The following PTAR1 variants were observed in gnomAD, a reference collection of about 807,000 sequenced individuals.
The protein encoded by PTAR1 is protein prenyltransferase alpha subunit repeat containing 1.
Under a neutral mutation model 45.5 loss-of-function variants are expected in PTAR1, and 17 were observed. That is an observed-to-expected ratio of 0.37 (90% CI 0.26 to 0.56). The LOEUF is 0.56. PTAR1 is among the 20% of genes least tolerant of loss of function. The probability of loss-of-function intolerance (pLI) is 0.77; values close to 1 mark genes in which losing one functional copy is unlikely to be tolerated. For missense variants in PTAR1, 391 were observed against 476.3 expected (o/e 0.82, Z 1.67); for synonymous variants, 169 against 171.3 (o/e 0.99, Z 0.11).
At chr9:69,742,742 A>T (rs944285983) in intron 2 of PTAR1, among the ~76,000 whole-genome samples, 3 of 152,110 alleles carry the variant, frequency 2.0e-5, no homozygotes, top group African/African-American at 7.2e-5. Flanking sequence ...ATATATTTTT[A>T]AAAATGAATG....
rs1680515066 is a variant in PTAR1 at position 69,716,169 on chromosome 9, T to C, written c.*2173A>G. 6.6e-6 allele frequency: 1 copy of C among 152,084 alleles called. No individual in the cohort carries two copies. The highest frequency in any genetic ancestry group is 6.6e-5 in the Admixed American group (1 of 15,240). The allele number at this position is 152,084 out of a possible 1,614,324, so 9.4% of individuals were successfully genotyped here. ...GAAAAATGATTTTTAGGAAAAAAGGTAATACTGAGTTAGGCCAGAATCTGG... is the reference window on the plus strand; with the variant it reads ...GAAAAATGATTTTTAGGAAAAAAGGCAATACTGAGTTAGGCCAGAATCTGG... On this transcript the variant is annotated 3_prime_UTR_variant, in exon 8 of 8. Coordinates refer to ENST00000340434, the MANE Select transcript of PTAR1 (RefSeq NM_001099666.2).
chr9:69,752,475 A>G (rs929853874), intron 1 of PTAR1, among the ~76,000 whole-genome samples: 2 of 152,102 alleles, frequency 1.3e-5, no homozygotes, highest in Admixed American at 6.6e-5. Context: ...CTTTCAAGCT[A>G]ATTTAACTCT....
In PTAR1 at chr9:69,732,249, G is replaced by T; in HGVS notation, c.532C>A (p.Gln178Lys). ...IPTERAQRLI[Q>K]EEMEVCGEAA... ...TCACCACAGACCTCCATCTCTTCTTGTATGAGTCGCTGTGCCCTTTCTGTG... is the reference window on the plus strand; with the variant it reads ...TCACCACAGACCTCCATCTCTTCTTTTATGAGTCGCTGTGCCCTTTCTGTG... The change falls in exon 5 of 8, where the codon CAA (glutamine) becomes AAA (lysine). Residue 178 changes from glutamine to lysine, a missense_variant. Physicochemically the swap from Gln to Lys is moderately conservative, Grantham distance 53. This residue lies in a region of PTAR1 where 46 missense variants were observed against 39.6 expected (regional missense o/e 1.16). Coordinates refer to ENST00000340434, the MANE Select transcript of PTAR1 (RefSeq NM_001099666.2). 6.2e-7 allele frequency: 1 copy of T among 1,613,752 alleles called. No individual in the cohort carries two copies. Among genetic ancestry groups the T allele is most frequent in the African/African-American group, 1.3e-5 (1 of 75,038 alleles).
intron 5 of PTAR1, among the ~76,000 whole-genome samples, chr9:69,728,840 T>G (rs555248998): frequency 1.3e-5 from 2 of 152,302 alleles, no homozygotes; most frequent in Non-Finnish European, 2.9e-5. Context: ...TTAATCAATC[T>G]TTATTCTTTA....
intron 5 of PTAR1, among the ~76,000 whole-genome samples, chr9:69,728,952 A>G (rs1283083022): frequency 6.6e-6 from 1 of 152,228 alleles, no homozygotes; most frequent in Non-Finnish European, 1.5e-5. Context: ...TTCAGCATTT[A>G]CCATGTGCCA....
At position 69,717,386 on chromosome 9, in the gene PTAR1, TG is replaced by T. The variant is rs1196697640; in HGVS notation, c.*955del. The T allele has an allele frequency of 6.6e-6, 1 of 152,210 alleles. No individual in the cohort carries two copies. Among genetic ancestry groups the T allele is most frequent in the African/African-American group, 2.4e-5 (1 of 41,470 alleles). The allele number at this position is 152,210 out of a possible 1,614,324, so 9.4% of individuals were successfully genotyped here. ...AAAAAATCAATTTTATAAGGACTGATGTGTTTTGGCATATACCAAATTTGAG... is the reference window on the plus strand; with the variant it reads ...AAAAAATCAATTTTATAAGGACTGATTGTTTTGGCATATACCAAATTTGAG... On this transcript the variant is annotated 3_prime_UTR_variant, in exon 8 of 8. Coordinates refer to ENST00000340434, the MANE Select transcript of PTAR1 (RefSeq NM_001099666.2).
chr9:69,729,502 T>C (rs1467798988), intron 5 of PTAR1, among the ~76,000 whole-genome samples: 4 of 152,220 alleles, frequency 2.6e-5, no homozygotes, highest in Non-Finnish European at 4.4e-5. Context: ...TTTTCACTAC[T>C]ATAAATGCTA....
In PTAR1 at chr9:69,713,134, T is replaced by C. The variant is rs1313033899; in HGVS notation, c.*5208A>G. 3.3e-5 allele frequency: 5 copies of C among 152,090 alleles called. No individual in the cohort carries two copies. The East Asian group carries it at 9.6e-4, about 29-fold the overall frequency. The allele number at this position is 152,090 out of a possible 1,614,324, so 9.4% of individuals were successfully genotyped here. On this transcript the variant is annotated 3_prime_UTR_variant, in exon 8 of 8. Transcript: ENST00000340434. ...ATAGAATCATCCAGAAAGCACAAATTATATATAGCTAATATTCTTGGAAGC... is the reference window on the plus strand; with the variant it reads ...ATAGAATCATCCAGAAAGCACAAATCATATATAGCTAATATTCTTGGAAGC...
At chr9:69,736,214 T>C (rs2134122109) in intron 3 of PTAR1, among the ~76,000 whole-genome samples, 2 of 152,184 alleles carry the variant, frequency 1.3e-5, no homozygotes, top group Middle Eastern at 6.8e-3. Context: ...ACCAACTGAG[T>C]CAGAAACTCA....
chr9:69,751,398 T>G (rs1466649566), intron 1 of PTAR1, among the ~76,000 whole-genome samples: 1 of 151,676 alleles, frequency 6.6e-6, no homozygotes, highest in African/African-American at 2.4e-5. Context: ...GAGGTAGATC[T>G]GCATATGCTG....
chr9:69,733,137 T>C (rs1825618573), intron 4 of PTAR1, among the ~76,000 whole-genome samples: 1 of 152,074 alleles, frequency 6.6e-6, no homozygotes, highest in Non-Finnish European at 1.5e-5. Flanking sequence ...AACAACAAAA[T>C]ATTGCTTGAT....
rs1824477104 is a variant in PTAR1, at chr9:69,710,321, AATG to A, written c.*8018_*8020del. ...ATCTTTTATATTGATTACATGTTGAAATGATATTTTTAATATACTGGGTTACAT... is the reference window on the plus strand; with the variant it reads ...ATCTTTTATATTGATTACATGTTGAAATATTTTTAATATACTGGGTTACAT... On this transcript the variant is annotated 3_prime_UTR_variant, in exon 8 of 8. Transcript: ENST00000340434. The A allele has an allele frequency of 6.6e-6, 1 of 152,136 alleles. No individual in the cohort carries two copies. The highest frequency in any genetic ancestry group is 2.1e-4 in the South Asian group (1 of 4,826). The allele number at this position is 152,136 out of a possible 1,614,324, so 9.4% of individuals were successfully genotyped here. A position where few individuals can be genotyped will look rare whatever the true frequency, so the allele number is the denominator to read the frequency against.
chr9:69,743,783 T>C (rs1440850565), intron 2 of PTAR1, among the ~76,000 whole-genome samples: 1 of 152,180 alleles, frequency 6.6e-6, no homozygotes, highest in Non-Finnish European at 1.5e-5. Context: ...ACTGAGTGAT[T>C]GAATGTAATG....
intron 1 of PTAR1, among the ~76,000 whole-genome samples, chr9:69,755,923 C>T (rs908449825): frequency 3.9e-5 from 6 of 152,054 alleles, no homozygotes; most frequent in African/African-American, 1.4e-4. Context: ...TTATTCTGCA[C>T]AATAATCTCA....
chr9:69,719,618 G>A lies in PTAR1; in HGVS notation c.948-934C>T, dbSNP rs376955493. 7.2e-4 allele frequency among the ~76,000 whole-genome samples: 109 copies of A among 152,170 alleles called. 2 individuals carry two copies. In the South Asian group the frequency reaches 0.014, roughly 19 times the overall value. Reference sequence around the variant, plus strand: ...GACAATGAGTCAGCAGTAGAAAACCGGCCTATGTAATACAGGCATACCTAG... The same window carrying A: ...GACAATGAGTCAGCAGTAGAAAACCAGCCTATGTAATACAGGCATACCTAG... On this transcript the variant is annotated intron_variant, in intron 6 of 7. Transcript: ENST00000340434.
At chr9:69,729,982 TA>T (rs1258423476) in intron 5 of PTAR1, among the ~76,000 whole-genome samples, 6 of 152,180 alleles carry the variant, frequency 3.9e-5, no homozygotes, top group Non-Finnish European at 7.3e-5. Context: ...TTTCCTAAGT[TA>T]AAAAATGCTG....
At position 69,718,842 on chromosome 9, in the gene PTAR1, T is replaced by A. The variant is rs146502317; in HGVS notation, c.948-158A>T. On this transcript the variant is annotated intron_variant, in intron 6 of 7. Transcript: ENST00000340434. Reference sequence around the variant, plus strand: ...GAGGAAGGAGGAAAAACAGTAGAGATGATGTTCCAGGATATTTGGACAAAG... The same window carrying A: ...GAGGAAGGAGGAAAAACAGTAGAGAAGATGTTCCAGGATATTTGGACAAAG... Among the ~76,000 whole-genome samples the A allele has an allele frequency of 4.2e-3, 641 of 152,274 alleles. 6 individuals are homozygous for A. The highest frequency in any genetic ancestry group is 0.015 in the African/African-American group (610 of 41,560).
rs1162459197 is a variant in PTAR1 at position 69,717,400 on chromosome 9, T to C, written c.*942A>G. ...ATAAGGACTGATGTGTTTTGGCATA[T>C]ACCAAATTTGAGGTAAAAATAATCT... On this transcript the variant is annotated 3_prime_UTR_variant, in exon 8 of 8. Coordinates refer to ENST00000340434, the MANE Select transcript of PTAR1 (RefSeq NM_001099666.2). The C allele has an allele frequency of 6.6e-6, 1 of 152,190 alleles. No individual in the cohort carries two copies. The highest frequency in any genetic ancestry group is 2.4e-5 in the African/African-American group (1 of 41,456). 9.4% of individuals were successfully genotyped at this position (152,190 alleles called of 1,614,324 possible).
At chr9:69,759,819 C>A (rs1278527230) in intron 1 of PTAR1, 34 bp downstream of exon 1, 2 of 1,506,950 alleles carry the variant, frequency 1.3e-6, no homozygotes, top group African/African-American at 1.5e-5. Flanking sequence ...CCGCTCCCGA[C>A]GACCCTCGGA....
Sources: gnomAD v4.1 joint callset for allele counts (sites outside exome capture counted in the v4.1 genomes callset) on GRCh38, gnomAD v4.1.1 for gene constraint, gnomAD v4.1.1 regional missense constraint, MANE v1.5 for transcripts, NCBI Gene and HGNC (gene_info 2026-07-23, HGNC 2026-07-21) for gene names.